The following KLC4 variants were observed in gnomAD, a reference collection of about 807,000 sequenced individuals.
KLC4 encodes the protein kinesin light chain 4, also known as kinesin-like protein 8.
Under a neutral mutation model 77.2 loss-of-function variants are expected in KLC4, and 49 were observed. The observed-to-expected ratio is 0.63, with a 90% CI of 0.50 to 0.80. KLC4 has a LOEUF of 0.80. KLC4 is among the 30% of genes least tolerant of loss of function. The pLI is 0.00. For missense variants in KLC4, 669 were observed against 793.5 expected, an observed-to-expected ratio of 0.84 and a Z score of 1.89; for synonymous variants, 274 against 314.5, an observed-to-expected ratio of 0.87 and a Z score of 1.36.
At chr6:43,070,926 A>ACAGGGGGGGGGGGG in intron 8 of KLC4, 61 bp downstream of exon 8, 2 of 103,834 alleles carry the variant, frequency 1.9e-5, no homozygotes, top group Non-Finnish European at 3.3e-5. Flanking sequence ...AGGTGGGGGG[A>ACAGGGGGGGGGGGG]GGGGGGGCAG....
At chr6:43,067,611 G>A (rs1408869595) in intron 6 of KLC4, among the ~76,000 whole-genome samples, 1 of 151,512 alleles carries the variant, frequency 6.6e-6, no homozygotes, top group Non-Finnish European at 1.5e-5. Context: ...TGGCTAACAT[G>A]GTGAAACCCC....
Position 43,074,725 on chromosome 6 carries a change from C to T in KLC4, c.*53C>T, listed in dbSNP as rs965775133. ...GGTCCCCCCACCCCCACAGCCCTCA[C>T]AGCATTCCCCATTGCTCCTGGCTCT... On this transcript the variant is annotated 3_prime_UTR_variant, in exon 16 of 16. Coordinates refer to ENST00000347162, the MANE Select transcript of KLC4 (RefSeq NM_201521.3). The T allele has an allele frequency of 5.1e-5, 74 of 1,443,942 alleles. No homozygotes were observed. In the South Asian group the frequency reaches 7.7e-4, roughly 15 times the overall value. The allele number at this position is 1,443,942 out of a possible 1,614,324, so 89.4% of individuals were successfully genotyped here.
At position 43,065,628 on chromosome 6, in the gene KLC4, A is replaced by G; in HGVS notation, c.498A>G (p.Lys166=). 6.2e-7 allele frequency: 1 copy of G among 1,613,506 alleles called. No individual in the cohort carries two copies. The highest frequency in any genetic ancestry group is 8.5e-7 in the Non-Finnish European group (1 of 1,179,442). Residue 166 remains lysine (K), a synonymous_variant, in exon 4 of 16, where the codon AAA becomes AAG. Coordinates refer to ENST00000347162, the MANE Select transcript of KLC4 (RefSeq NM_201521.3). The part of the protein sequence containing the change: ...YDEDGHTSEE[K]EGDATKDSLD... Reference sequence around the variant, plus strand: ...TGCTTCTTCCCTTCCAGGAGGAGAAAGAAGGCGATGCCACCAAGGATTCCC... The same window carrying G: ...TGCTTCTTCCCTTCCAGGAGGAGAAGGAAGGCGATGCCACCAAGGATTCCC...
At position 43,061,339 on chromosome 6, in the gene KLC4, T is replaced by C; in HGVS notation, c.4T>C (p.Ser2Pro). ...GGGCAAGGTCCCCCAGGCCAGGATG[T>C]CAGGCCTGGTGTTGGGGCAGCGGGA... M[S>P]GLVLGQRDEP... Residue 2 changes from serine (S) to proline (P), a missense_variant, in exon 2 of 16, where the codon TCA (serine) becomes CCA (proline). Coordinates refer to ENST00000347162, the MANE Select transcript of KLC4 (RefSeq NM_201521.3). 2 of 1,613,442 alleles carry C rather than the reference T, an allele frequency of 1.2e-6. No individual in the cohort carries two copies. Among genetic ancestry groups the C allele is most frequent in the Non-Finnish European group, 1.7e-6 (2 of 1,179,942 alleles).
At chr6:43,074,003 A>C (rs754188427) in intron 15 of KLC4, 38 bp downstream of exon 15, 12 of 1,514,964 alleles carry the variant, frequency 7.9e-6, no homozygotes, top group Non-Finnish European at 1.1e-5. Flanking sequence ...GTGGGTGAGG[A>C]AAAAAGGACA....
intron 1 of KLC4, among the ~76,000 whole-genome samples, chr6:43,060,836 C>T (rs894258051): frequency 2.0e-5 from 3 of 152,158 alleles, no homozygotes; most frequent in African/African-American, 7.2e-5. Flanking sequence ...TCTTCTTTTC[C>T]CTTTCTTCCC....
Position 43,072,207 on chromosome 6 carries a change from G to A in KLC4, c.1440G>A (p.Leu480=). Residue 480 remains leucine (L), a synonymous_variant, in exon 12 of 16, where the codon CTG becomes CTA. Coordinates refer to ENST00000347162, the MANE Select transcript of KLC4 (RefSeq NM_201521.3). ...LGALYRRQGK[L]EAAETLEECA... Reference sequence around the variant, plus strand: ...CTCTGTATAGGCGCCAGGGAAAGCTGGAGGCTGCTGAGACCCTGGAGGAAT... The same window carrying A: ...CTCTGTATAGGCGCCAGGGAAAGCTAGAGGCTGCTGAGACCCTGGAGGAAT... The A allele has an allele frequency of 6.2e-7, 1 of 1,614,156 alleles. No homozygotes were observed. Among genetic ancestry groups the A allele is most frequent in the Non-Finnish European group, 8.5e-7 (1 of 1,180,018 alleles).
In KLC4 at chr6:43,066,333, C is replaced by T. The variant is rs917992543; in HGVS notation, c.599C>T (p.Ala200Val). ...TCCCGTGGTCAAGGTGCTACAGCAG[C>T]TCAGCAGGGTGGATATGAGATCCCA... ...GLSRGQGATA[A>V]QQGGYEIPAR... Residue 200 changes from alanine to valine, a missense_variant, in exon 5 of 16, where the codon GCT becomes GTT. Physicochemically the swap from Ala to Val is moderately conservative, Grantham distance 64. Coordinates refer to ENST00000347162, the MANE Select transcript of KLC4 (RefSeq NM_201521.3). The T allele has an allele frequency of 6.2e-7, 1 of 1,614,136 alleles. No individual in the cohort carries two copies. The highest frequency in any genetic ancestry group is 1.7e-5 in the Admixed American group (1 of 60,018).
chr6:43,070,640 G>C (rs900817599), intron 7 of KLC4, 52 bp from the exon 8 acceptor site: 1 of 1,548,558 alleles, frequency 6.5e-7, no homozygotes, highest in South Asian at 1.2e-5. Context: ...ACGTGTGCTT[G>C]TGCACACACA....
At chr6:43,063,930 G>T (rs1226471249) in intron 3 of KLC4, among the ~76,000 whole-genome samples, 1 of 152,108 alleles carries the variant, frequency 6.6e-6, no homozygotes, top group African/African-American at 2.4e-5. Context: ...TCCGCCTCTG[G>T]CTTTCAAACA....
intron 1 of KLC4, 137 bp downstream of exon 1, chr6:43,059,822 T>C (rs918982718): frequency 2.7e-5 from 31 of 1,165,424 alleles, no homozygotes; most frequent in Non-Finnish European, 3.3e-5. Context: ...CCCTTCGCGA[T>C]TCTTCCCCGC....
In KLC4 at chr6:43,070,776, G is replaced by A. The variant is rs770335884; in HGVS notation, c.1066G>A (p.Val356Met). Residue 356 changes from valine to methionine, a missense_variant, in exon 8 of 16, where the codon GTG (valine) becomes ATG (methionine). Physicochemically the swap from Val to Met is conservative, Grantham distance 21 (BLOSUM62 1). Transcript: ENST00000347162. Reference protein sequence around the residue: ...LCQNQGKYEAVERYYQRALAI... With the variant: ...LCQNQGKYEAMERYYQRALAI... ...CCAAAACCAGGGCAAGTATGAGGCC[G>A]TGGAACGCTACTACCAGCGAGCACT... The A allele has an allele frequency of 2.7e-5, 44 of 1,614,034 alleles. 1 individual carries two copies. Among genetic ancestry groups the A allele is most frequent in the South Asian group, 7.7e-5 (7 of 91,086 alleles).
Position 43,074,931 on chromosome 6 carries a change from G to A in KLC4, c.*259G>A. 3 of 494,790 alleles carry A rather than the reference G, an allele frequency of 6.1e-6. No homozygotes were observed. The highest frequency in any genetic ancestry group is 7.3e-6 in the Non-Finnish European group (2 of 273,690). 30.6% of individuals were successfully genotyped at this position (494,790 alleles called of 1,614,324 possible). On this transcript the variant is annotated 3_prime_UTR_variant, in exon 16 of 16. Coordinates refer to ENST00000347162, the MANE Select transcript of KLC4 (RefSeq NM_201521.3). ...AGGCCCCAAGGTGGGTACAAAGCAG[G>A]TATGGCCCTCAGAGATGCAGCCTGC...
rs571140416 is a variant in KLC4, at chr6:43,066,008, T to G, written c.572-298T>G. Among the ~76,000 whole-genome samples, 30 of 152,340 alleles carry G rather than the reference T, an allele frequency of 2.0e-4. 1 individual carries two copies. The highest frequency in any genetic ancestry group is 1.3e-3 in the Admixed American group (20 of 15,306). On this transcript the variant is annotated intron_variant, in intron 4 of 15. Coordinates refer to ENST00000347162, the MANE Select transcript of KLC4 (RefSeq NM_201521.3). ...GAATAAACCTGAGACAGGGAGACCA[T>G]GAGCCCCCCAAGGGAAAGAACCAGG...
rs369219220 is a variant in KLC4 at position 43,065,697 on chromosome 6, T to A, written c.567T>A (p.Asn189Lys). 15 of 1,611,230 alleles carry A rather than the reference T, an allele frequency of 9.3e-6. No homozygotes were observed. The African/African-American group carries it at 1.9e-4, about 20-fold the overall frequency. The change falls in exon 4 of 16, where the codon AAT becomes AAA. Residue 189 changes from asparagine (N) to lysine (K), a missense_variant. Asn to Lys is a moderately conservative substitution (Grantham distance 94). Transcript: ENST00000347162. ...FPNEEEEDPS[N>K]GLSRGQGATA... ...ATGAGGAGGAAGAGGACCCCAGCAA[T>A]GGCTGTGAGTCTGCCTCTGGAATGG...
At chr6:43,072,372 G>A (rs1334446606) in intron 12 of KLC4, 117 bp downstream of exon 12, 8 of 744,198 alleles carry the variant, frequency 1.1e-5, no homozygotes, top group African/African-American at 3.5e-5. Context: ...AGCCAGGAGG[G>A]AGAGGAAAGT....
intron 10 of KLC4, 103 bp downstream of exon 10, chr6:43,071,722 G>A (rs1765740330): frequency 9.0e-6 from 13 of 1,442,682 alleles, no homozygotes; most frequent in Non-Finnish European, 1.3e-5. Context: ...CCCAGCACCA[G>A]CCCCAGATGC....
chr6:43,067,101 T>TGCC lies in KLC4; in HGVS notation c.879+18_879+19insGCC. 13 of 1,584,674 alleles carry TGCC rather than the reference T, an allele frequency of 8.2e-6. No individual in the cohort carries two copies. Among genetic ancestry groups the TGCC allele is most frequent in the Non-Finnish European group, 1.0e-5 (12 of 1,155,596 alleles). ...ATCCTGCTGTCAGTATTCCTTGCCC[T>TGCC]CCCCACCCCACGCCCCGCACCCCCC... is the stretch of plus-strand genomic sequence containing the variant. On this transcript the variant is annotated intron_variant, in intron 6 of 15. Transcript: ENST00000347162.
chr6:43,069,679 T>G (rs908490811), intron 6 of KLC4, among the ~76,000 whole-genome samples: 1 of 151,980 alleles, frequency 6.6e-6, no homozygotes. Context: ...GCCTCCCGAG[T>G]AGCTGGGATT....
Sources: gnomAD v4.1 joint callset for allele counts (sites outside exome capture counted in the v4.1 genomes callset) on GRCh38, gnomAD v4.1.1 for gene constraint, MANE v1.5 for transcripts, NCBI Gene and HGNC (gene_info 2026-07-23, HGNC 2026-07-21) for gene names.